Variants in FAM120B observed in about 807,000 individuals in gnomAD.
The protein encoded by FAM120B is family with sequence similarity 120 member B, also known as constitutive coactivator of peroxisome proliferator-activated receptor gamma.
FAM120B carries 83 observed loss-of-function variants against 96.3 expected under a neutral mutation model. The ratio of observed to expected loss-of-function variants is 0.86; its 90% confidence interval spans 0.72 to 1.03. The LOEUF is 1.03. FAM120B is among the 50% of genes least tolerant of loss of function. The probability of loss-of-function intolerance (pLI) is 0.00; values close to 1 mark genes in which losing one functional copy is unlikely to be tolerated. For synonymous variants in FAM120B, 407 were observed against 402.7 expected (o/e 1.01, Z -0.13); for missense variants, 1,027 against 1,121.2 (o/e 0.92, Z 1.20).
Position 170,306,801 on chromosome 6 carries a change from G to A in FAM120B, c.-63G>A, listed in dbSNP as rs542578102. The A allele has an allele frequency of 3.3e-5, 5 of 152,994 alleles. No homozygotes were observed. Among genetic ancestry groups the A allele is most frequent in the African/African-American group, 1.2e-4 (5 of 41,478 alleles). 9.5% of individuals were successfully genotyped at this position (152,994 alleles called of 1,614,324 possible). A position where few individuals can be genotyped will look rare whatever the true frequency, so the allele number is the denominator to read the frequency against. On this transcript the variant is annotated 5_prime_UTR_variant, in exon 1 of 11. It adds an upstream start codon to the 5' untranslated region. Coordinates refer to ENST00000476287, the MANE Select transcript of FAM120B (RefSeq NM_032448.3). ...GGTGGCTGAGGCGGCTGGGCCTAGG[G>A]TGCAGCGGGCGCGTCTGCGGCTGGT...
upstream of FAM120B, among the ~76,000 whole-genome samples, chr6:170,302,539 T>C (rs546532839): frequency 2.0e-5 from 3 of 152,346 alleles, no homozygotes; most frequent in South Asian, 6.2e-4. Flanking sequence ...GCAGTCTATT[T>C]AAAGGGTCAA....
At chr6:170,328,593 T>G (rs1379440558) in intron 3 of FAM120B, among the ~76,000 whole-genome samples, 2 of 151,958 alleles carry the variant, frequency 1.3e-5, no homozygotes, top group African/African-American at 2.4e-5. Context: ...GTTTGCTGGA[T>G]TTTGAGTAAG....
In FAM120B at chr6:170,318,105, T is replaced by A. The variant is rs1208905621; in HGVS notation, c.715T>A (p.Phe239Ile). 1.9e-6 allele frequency: 3 copies of A among 1,614,114 alleles called. No individual in the cohort carries two copies. The highest frequency in any genetic ancestry group is 2.7e-5 in the African/African-American group (2 of 74,948). The change falls in exon 2 of 11, where the codon TTT (phenylalanine) becomes ATT (isoleucine). Residue 239 changes from phenylalanine (F) to isoleucine (I), a missense_variant. This residue lies in a region of FAM120B where 880 missense variants were observed against 980.9 expected (regional missense o/e 0.90). Coordinates refer to ENST00000476287, the MANE Select transcript of FAM120B (RefSeq NM_032448.3). ...CAACGACATAATCCCAGAGGGCATGTTTGAAAGCTTTAGGTACAAATGCTT... is the reference window on the plus strand; with the variant it reads ...CAACGACATAATCCCAGAGGGCATGATTGAAAGCTTTAGGTACAAATGCTT... ...LGNDIIPEGM[F>I]ESFRYKCLSS...
intron 7 of FAM120B, 36 bp from the exon 8 acceptor site, chr6:170,390,977 C>T (rs777752042): frequency 5.8e-6 from 9 of 1,563,414 alleles, no homozygotes; most frequent in Middle Eastern, 1.7e-4. Flanking sequence ...CCACATCTGG[C>T]CCCTCACATC....
At chr6:170,322,140 C>T (rs933651788) in intron 2 of FAM120B, among the ~76,000 whole-genome samples, 14 of 152,212 alleles carry the variant, frequency 9.2e-5, no homozygotes, top group African/African-American at 3.4e-4. Context: ...AATCATGTAT[C>T]TCATCACCTA....
At chr6:170,329,740 C>T (rs1319702746) in intron 3 of FAM120B, among the ~76,000 whole-genome samples, 2 of 152,072 alleles carry the variant, frequency 1.3e-5, no homozygotes, top group African/African-American at 4.8e-5. Flanking sequence ...CTTTTGATTC[C>T]TGTTTTTGTG....
intron 3 of FAM120B, among the ~76,000 whole-genome samples, chr6:170,328,511 G>C (rs1344923995): frequency 6.6e-6 from 1 of 152,140 alleles, no homozygotes; most frequent in African/African-American, 2.4e-5. Context: ...AGACAGCAAG[G>C]CTCATCTTTA....
At chr6:170,325,353 C>T (rs1468592582) in intron 3 of FAM120B, among the ~76,000 whole-genome samples, 1 of 152,142 alleles carries the variant, frequency 6.6e-6, no homozygotes, top group Non-Finnish European at 1.5e-5. Flanking sequence ...GTCACAGTCT[C>T]TCTTTTAATT....
chr6:170,295,443 G>A lies in FAM120B; in HGVS notation c.38G>A (p.Gly13Asp), dbSNP rs1018837053. 1 of 701,718 alleles carries A rather than the reference G, an allele frequency of 1.4e-6. No individual in the cohort carries two copies. The highest frequency in any genetic ancestry group is 2.6e-6 in the Non-Finnish European group (1 of 384,548). 43.5% of individuals were successfully genotyped at this position (701,718 alleles called of 1,614,324 possible). A position where few individuals can be genotyped will look rare whatever the true frequency, so the allele number is the denominator to read the frequency against. Reference sequence around the variant, plus strand: ...CGAGGCTCCACCAGCGCTGGCGCAGGCAGGAAGGAGGTGAGCGCCGCCCGC... The same window carrying A: ...CGAGGCTCCACCAGCGCTGGCGCAGACAGGAAGGAGGTGAGCGCCGCCCGC... The change falls in exon 1 of 11, where the codon GGC becomes GAC. Residue 13 changes from glycine (G) to aspartate (D), a missense_variant. Physicochemically the swap from Gly to Asp is moderately conservative, Grantham distance 94 (BLOSUM62 -1). Transcript: ENST00000537664. The surrounding 1 kb of genome is among the most constrained non-coding windows in gnomAD (Gnocchi z 7.8).
chr6:170,322,929 A>T (rs749201013), intron 2 of FAM120B, 150 bp from the exon 3 acceptor site: 80 of 628,788 alleles, frequency 1.3e-4, no homozygotes, highest in Non-Finnish European at 2.0e-4. Context: ...GAAAGAGAAC[A>T]TGGCAACTTG....
chr6:170,310,793 A>G (rs1370999016), intron 1 of FAM120B, among the ~76,000 whole-genome samples: 3 of 152,196 alleles, frequency 2.0e-5, no homozygotes, highest in Non-Finnish European at 4.4e-5. Flanking sequence ...CCCCAACCAA[A>G]GCTCTCTGCT....
At chr6:170,357,507 A>G (rs1274212201) in intron 5 of FAM120B, among the ~76,000 whole-genome samples, 2 of 151,944 alleles carry the variant, frequency 1.3e-5, no homozygotes, top group Non-Finnish European at 2.9e-5. Flanking sequence ...TCTTGATTCC[A>G]CAGAGGATTA....
intron 6 of FAM120B, among the ~76,000 whole-genome samples, 158 bp downstream of exon 6, chr6:170,358,476 G>A (rs1445320487): frequency 6.6e-6 from 1 of 152,232 alleles, no homozygotes; most frequent in Non-Finnish European, 1.5e-5. Context: ...CTCTTTAATG[G>A]CTCTGGGATG....
chr6:170,299,028 G>A (rs76400744), intron 1 of FAM120B, among the ~76,000 whole-genome samples: 2,242 of 152,308 alleles, frequency 0.015, 53 homozygotes, highest in African/African-American at 0.052. Flanking sequence ...AACTGGACCT[G>A]TCTCTGCCAC....
upstream of FAM120B, among the ~76,000 whole-genome samples, chr6:170,293,398 C>T (rs912723861): frequency 5.9e-5 from 9 of 152,080 alleles, no homozygotes; most frequent in South Asian, 2.1e-4. Context: ...AAGTTCCACG[C>T]GCAAGGGCTT....
Position 170,404,546 on chromosome 6 carries a change from G to A in FAM120B, c.2693-4G>A, listed in dbSNP as rs2115351808. 1 of 1,613,648 alleles carries A rather than the reference G, an allele frequency of 6.2e-7. No individual in the cohort carries two copies. The highest frequency in any genetic ancestry group is 2.2e-5 in the East Asian group (1 of 44,880). On this transcript the variant is annotated splice_polypyrimidine_tract_variant and splice_region_variant and intron_variant, in intron 9 of 10. Transcript: ENST00000476287. ...ACTTTGGTTTTCATGTCTGTTTACT[G>A]CAGGAAGCAGACAGTATGAGCATGA...
chr6:170,400,374 T>A lies in FAM120B; in HGVS notation c.2693-4176T>A, dbSNP rs531081137. Reference sequence around the variant, plus strand: ...TCCTGCCCTGATCTCAGAAGGCAGGTGGAGTGGGACCTGTTTGGTACTGAC... The same window carrying A: ...TCCTGCCCTGATCTCAGAAGGCAGGAGGAGTGGGACCTGTTTGGTACTGAC... On this transcript the variant is annotated intron_variant, in intron 9 of 10. Coordinates refer to ENST00000476287, the MANE Select transcript of FAM120B (RefSeq NM_032448.3). Among the ~76,000 whole-genome samples, 4 of 152,264 alleles carry A rather than the reference T, an allele frequency of 2.6e-5. No homozygotes were observed. In the East Asian group the frequency reaches 7.7e-4, roughly 29 times the overall value.
intron 1 of FAM120B, among the ~76,000 whole-genome samples, chr6:170,311,036 C>T (rs1481264656): frequency 2.0e-5 from 3 of 152,208 alleles, no homozygotes; most frequent in Non-Finnish European, 1.5e-5. Context: ...TCTTTTTCTT[C>T]TGTGATAGGA....
chr6:170,372,500 G>T (rs567749290), intron 6 of FAM120B, among the ~76,000 whole-genome samples: 1 of 152,296 alleles, frequency 6.6e-6, no homozygotes, highest in East Asian at 1.9e-4. Context: ...ATGTGAGCGC[G>T]TTCTTAGAAG....
Sources: gnomAD v4.1 joint callset for allele counts (sites outside exome capture counted in the v4.1 genomes callset) on GRCh38, gnomAD v4.1.1 for gene constraint, gnomAD v4.1.1 regional missense constraint, Gnocchi (gnomAD v3.1) non-coding constraint, MANE v1.5 for transcripts, NCBI Gene and HGNC (gene_info 2026-07-23, HGNC 2026-07-21) for gene names.